The following GALNT13 variants were observed in gnomAD, a reference collection of about 807,000 sequenced individuals.
GALNT13 encodes the protein polypeptide N-acetylgalactosaminyltransferase 13, also known as UDP-GalNAc:polypeptide N-acetylgalactosaminyltransferase 13.
Under a neutral mutation model 64.2 loss-of-function variants are expected in GALNT13, and 28 were observed. That is an observed-to-expected ratio of 0.44 (90% confidence interval 0.32 to 0.60). GALNT13 has a LOEUF of 0.60. GALNT13 is among the 20% of genes least tolerant of loss of function. GALNT13 has a pLI of 0.05. For synonymous variants in GALNT13, 214 were observed against 224.6 expected (o/e 0.95, Z 0.42); for missense variants, 577 against 669.8 (o/e 0.86, Z 1.53).
At chr2:153,596,676 C>A in the GALNT13 span, among the ~76,000 whole-genome samples, 1 of 151,660 alleles carries the variant, frequency 6.6e-6, no homozygotes, top group Admixed American at 6.6e-5. Flanking sequence ...GTTTAAAGTT[C>A]ATGTAGAAAA....
intron 4 of GALNT13, among the ~76,000 whole-genome samples, chr2:154,152,261 C>T (rs1322522626): frequency 2.0e-5 from 3 of 152,098 alleles, no homozygotes; most frequent in Non-Finnish European, 4.4e-5. Context: ...TATTGGCCCC[C>T]ACTCTCTTCT....
the GALNT13 span, among the ~76,000 whole-genome samples, chr2:153,861,066 C>T: frequency 6.6e-6 from 1 of 152,140 alleles, no homozygotes; most frequent in Non-Finnish European, 1.5e-5. Flanking sequence ...CAGCAAGGAG[C>T]ATGAAAGCTT....
At chr2:153,274,194 A>G in the GALNT13 span, among the ~76,000 whole-genome samples, 1 of 152,056 alleles carries the variant, frequency 6.6e-6, no homozygotes, top group Non-Finnish European at 1.5e-5. Context: ...CAAGAGCGAG[A>G]CTTCATTAAA....
the GALNT13 span, among the ~76,000 whole-genome samples, chr2:153,177,020 A>G: frequency 1.3e-5 from 2 of 152,142 alleles, no homozygotes; most frequent in Non-Finnish European, 2.9e-5. Context: ...CAGAAGAGCA[A>G]TTTTTATCAG....
the GALNT13 span, among the ~76,000 whole-genome samples, chr2:153,728,052 T>A: frequency 6.6e-6 from 1 of 152,228 alleles, no homozygotes; most frequent in Non-Finnish European, 1.5e-5. Flanking sequence ...GCTTCATCCA[T>A]GTCTCTGCAA....
the GALNT13 span, among the ~76,000 whole-genome samples, chr2:153,309,960 G>C: frequency 6.6e-6 from 1 of 151,930 alleles, no homozygotes; most frequent in East Asian, 1.9e-4. Context: ...AAAATCCTTA[G>C]TAAAAACACT....
chr2:153,112,383 T>G, the GALNT13 span, among the ~76,000 whole-genome samples: 1 of 152,158 alleles, frequency 6.6e-6, no homozygotes, highest in African/African-American at 2.4e-5. Flanking sequence ...TGTGTTAGTC[T>G]GTCTAATCTA....
the GALNT13 span, among the ~76,000 whole-genome samples, chr2:153,540,149 C>A: frequency 2.0e-5 from 3 of 152,168 alleles, no homozygotes; most frequent in Non-Finnish European, 4.4e-5. Flanking sequence ...TGGTCCAGGG[C>A]CCCCCTGCTG....
the GALNT13 span, among the ~76,000 whole-genome samples, chr2:153,345,056 G>A: frequency 2.6e-5 from 4 of 152,124 alleles, no homozygotes; most frequent in Non-Finnish European, 4.4e-5. Context: ...ATTTCAATAA[G>A]ACATTAATTT....
At chr2:154,244,919 G>A (rs998386953) in intron 6 of GALNT13, among the ~76,000 whole-genome samples, 3 of 151,900 alleles carry the variant, frequency 2.0e-5, no homozygotes, top group Non-Finnish European at 4.4e-5. Context: ...TCAGGAGTTC[G>A]AGACCAACCT....
chr2:153,252,040 C>G, the GALNT13 span, among the ~76,000 whole-genome samples: 1 of 151,426 alleles, frequency 6.6e-6, no homozygotes, highest in Non-Finnish European at 1.5e-5. Context: ...CCTGAGGAAT[C>G]ACTACACTTA....
intron 4 of GALNT13, among the ~76,000 whole-genome samples, chr2:154,187,375 C>A (rs1425300865): frequency 2.3e-5 from 1 of 44,050 alleles, no homozygotes; most frequent in Admixed American, 3.4e-4. Flanking sequence ...AGAAAACACA[C>A]ACACACACAC....
the GALNT13 span, among the ~76,000 whole-genome samples, chr2:153,171,804 A>G: frequency 6.6e-6 from 1 of 152,302 alleles, no homozygotes; most frequent in South Asian, 2.1e-4. Flanking sequence ...CTGTTTCTGT[A>G]CTATTTAAGC....
intron 2 of GALNT13, among the ~76,000 whole-genome samples, chr2:153,915,513 T>C (rs1419480323): frequency 2.0e-5 from 3 of 152,196 alleles, no homozygotes; most frequent in Admixed American, 6.5e-5. Context: ...TTCTCTCTTA[T>C]TCTGTTAAAA....
intron 3 of GALNT13, among the ~76,000 whole-genome samples, chr2:153,953,435 A>G (rs543934794): frequency 3.9e-5 from 6 of 152,042 alleles, no homozygotes; most frequent in Admixed American, 1.3e-4. Flanking sequence ...TAAAGTTGGC[A>G]TTATTATTAT....
chr2:153,992,284 C>G (rs1695207202), intron 3 of GALNT13, among the ~76,000 whole-genome samples: 1 of 152,074 alleles, frequency 6.6e-6, no homozygotes, highest in South Asian at 2.1e-4. Context: ...GTATCATATG[C>G]ATGTTTATAA....
intron 3 of GALNT13, among the ~76,000 whole-genome samples, chr2:154,025,046 C>G (rs987615287): frequency 6.6e-6 from 1 of 152,192 alleles, no homozygotes; most frequent in Non-Finnish European, 1.5e-5. Flanking sequence ...CTGATCGTTC[C>G]TCTGGAAGTT....
the GALNT13 span, among the ~76,000 whole-genome samples, chr2:153,704,011 C>G: frequency 6.6e-6 from 1 of 152,056 alleles, no homozygotes; most frequent in Non-Finnish European, 1.5e-5. Flanking sequence ...CTCTATATTT[C>G]CAGTTCCACA....
At chr2:153,566,876 A>G in the GALNT13 span, among the ~76,000 whole-genome samples, 1 of 152,256 alleles carries the variant, frequency 6.6e-6, no homozygotes, top group Non-Finnish European at 1.5e-5. Context: ...GTGTTGAGTC[A>G]TAACAACCCT....
Sources: gnomAD v4.1 joint callset for allele counts (sites outside exome capture counted in the v4.1 genomes callset) on GRCh38, gnomAD v4.1.1 for gene constraint, MANE v1.5 for transcripts, NCBI Gene and HGNC (gene_info 2026-07-23, HGNC 2026-07-21) for gene names.